The following NPIPB7 variants were observed in gnomAD, a reference collection of about 807,000 sequenced individuals.
NPIPB7 encodes nuclear pore complex-interacting protein family member B7.
For missense variants in NPIPB7, 14 were observed against 238.5 expected, an observed-to-expected ratio of 0.06 and a Z score of 6.20; for synonymous variants, 9 against 88.1, an observed-to-expected ratio of 0.10 and a Z score of 5.03.
chr16:28,470,513 G>C lies in NPIPB7; in HGVS notation c.-75C>G, dbSNP rs1223659938. The C allele has an allele frequency of 4.1e-5, 45 of 1,085,128 alleles. No homozygotes were observed. The South Asian group carries it at 6.2e-4, about 15-fold the overall frequency. 67.2% of individuals were successfully genotyped at this position (1,085,128 alleles called of 1,614,324 possible). A position where few individuals can be genotyped will look rare whatever the true frequency, so the allele number is the denominator to read the frequency against. On this transcript the variant is annotated 5_prime_UTR_variant, in exon 1 of 7. Coordinates refer to ENST00000452313, the Ensembl canonical transcript of NPIPB7. ...TGGCTTAGGGCAGGGGGGAGGGAAG[G>C]GGACGGGGACCGGGGCCGGATCTGA...
chr16:28,468,572 G>A (rs1174050259), intron 1 of NPIPB7, among the ~76,000 whole-genome samples: 11 of 136,578 alleles, frequency 8.1e-5, no homozygotes, highest in African/African-American at 3.0e-4. Flanking sequence ...ACTTTGGGAA[G>A]CCGAGGTGGG....
intron 2 of NPIPB7, among the ~76,000 whole-genome samples, chr16:28,463,662 G>A (rs955229062): frequency 4.7e-5 from 5 of 107,134 alleles, no homozygotes; most frequent in Non-Finnish European, 1.0e-4. Context: ...GCAAGAAAAG[G>A]TTGTGGTGAG....
intron 4 of NPIPB7, among the ~76,000 whole-genome samples, chr16:28,462,144 G>A (rs62034276): frequency 0.35 from 52,197 of 148,970 alleles, 5,879 homozygotes; most frequent in Non-Finnish European, 0.39. Context: ...AAAAGGCTGG[G>A]TGTGGTGGCT....
upstream of NPIPB7, chr16:28,470,963 A>T (rs2141687090): frequency 2.8e-6 from 1 of 358,664 alleles, no homozygotes; most frequent in South Asian, 2.4e-5. Context: ...CCAATCCCTG[A>T]TGACCCCGGT....
intron 1 of NPIPB7, chr16:28,469,923 G>A (rs2045931645): frequency 7.2e-6 from 2 of 278,564 alleles, no homozygotes; most frequent in Admixed American, 5.0e-5. Flanking sequence ...AGTGAGCCGA[G>A]ATCTTGCCAC....
upstream of NPIPB7, among the ~76,000 whole-genome samples, chr16:28,471,756 C>T (rs1182855503): frequency 1.4e-4 from 20 of 143,016 alleles, no homozygotes; most frequent in East Asian, 8.1e-4. Flanking sequence ...CATCCGAAAC[C>T]GAGTGATGAT....
At chr16:28,470,808 A>T (rs1347945528), upstream of NPIPB7, among the ~76,000 whole-genome samples, 1 of 145,322 alleles carries the variant, frequency 6.9e-6, no homozygotes, top group Non-Finnish European at 1.5e-5. Context: ...CACGGAGAAG[A>T]TCAGGGAAGC....
intron 1 of NPIPB7, among the ~76,000 whole-genome samples, chr16:28,470,155 G>A (rs1369971304): frequency 8.1e-5 from 11 of 136,354 alleles, no homozygotes; most frequent in Admixed American, 8.1e-4. Context: ...GGGATAACAG[G>A]TACGCACCAC....
chr16:28,471,862 C>T (rs1174352716), upstream of NPIPB7, among the ~76,000 whole-genome samples: 1 of 151,980 alleles, frequency 6.6e-6, no homozygotes, highest in Non-Finnish European at 1.5e-5. Context: ...TCATGATTGA[C>T]CTCTCAGGGA....
In NPIPB7 at chr16:28,467,490, AGGC is replaced by A. The variant is rs1467031355; in HGVS notation, c.67-591_67-589del. Among the ~76,000 whole-genome samples, 6 of 145,266 alleles carry A rather than the reference AGGC, an allele frequency of 4.1e-5. No individual in the cohort carries two copies. The South Asian group carries it at 1.1e-3, about 27-fold the overall frequency. On this transcript the variant is annotated intron_variant, in intron 1 of 6. Coordinates refer to ENST00000452313, the Ensembl canonical transcript of NPIPB7. ...GCCAGTCTGGCCTTGAACTCCTGGC[AGGC>A]GATCTGCCTGCCTCGGCCTCCCAAA... is the stretch of plus-strand genomic sequence containing the variant.
chr16:28,468,305 TCTTTA>T (rs1443317852), intron 1 of NPIPB7, among the ~76,000 whole-genome samples: 1 of 90,048 alleles, frequency 1.1e-5, no homozygotes, highest in African/African-American at 4.9e-5. Flanking sequence ...AGTTATCTTT[TCTTTA>T]AAGTTATTTA....
chr16:28,468,415 A>G (rs1449069426), intron 1 of NPIPB7, among the ~76,000 whole-genome samples: 3 of 149,352 alleles, frequency 2.0e-5, no homozygotes, highest in African/African-American at 7.4e-5. Context: ...CTTGGATTAT[A>G]TGAATCTTTG....
chr16:28,464,846 C>A (rs1185524723), intron 2 of NPIPB7, among the ~76,000 whole-genome samples: 4 of 149,632 alleles, frequency 2.7e-5, no homozygotes. Flanking sequence ...GATTTCTGCA[C>A]ATAGGATAAA....
intron 1 of NPIPB7, chr16:28,469,940 C>G (rs1211153599): frequency 3.4e-6 from 1 of 290,120 alleles, no homozygotes; most frequent in Non-Finnish European, 6.6e-6. Flanking sequence ...CCACTGCACT[C>G]CAGCCTGGGC....
chr16:28,468,831 T>A (rs1391586668), intron 1 of NPIPB7, among the ~76,000 whole-genome samples: 11 of 74,092 alleles, frequency 1.5e-4, no homozygotes, highest in African/African-American at 4.3e-4. Context: ...AAAAAAAAAA[T>A]TACCAAGGTG....
At chr16:28,456,763 A>T in exon 7 of NPIPB7, 1 of 724,724 alleles carries the variant, frequency 1.4e-6, no homozygotes, top group South Asian at 1.6e-5. Flanking sequence ...ATTCCTTCAG[A>T]TTATCATCCA....
upstream of NPIPB7, among the ~76,000 whole-genome samples, chr16:28,472,055 C>A (rs920819139): frequency 6.6e-6 from 1 of 152,202 alleles, no homozygotes; most frequent in Non-Finnish European, 1.5e-5. Context: ...GGAGGATTCA[C>A]ATTTCCTATT....
intron 1 of NPIPB7, among the ~76,000 whole-genome samples, chr16:28,469,125 C>G (rs940035715): frequency 8.9e-6 from 1 of 111,870 alleles, no homozygotes; most frequent in Non-Finnish European, 2.2e-5. Context: ...GTTAGAGAAC[C>G]ATACAACAAT....
At chr16:28,472,165 T>C (rs2045955738), upstream of NPIPB7, among the ~76,000 whole-genome samples, 2 of 152,158 alleles carry the variant, frequency 1.3e-5, no homozygotes, top group Non-Finnish European at 2.9e-5. Flanking sequence ...GTAATCCCAG[T>C]ATCTCTGGAG....
Sources: gnomAD v4.1 joint callset for allele counts (sites outside exome capture counted in the v4.1 genomes callset) on GRCh38, gnomAD v4.1.1 for gene constraint, MANE v1.5 for transcripts, NCBI Gene and HGNC (gene_info 2026-07-23, HGNC 2026-07-21) for gene names.